VCL: variants seen among roughly 807,000 people sequenced by gnomAD.
VCL encodes vinculin.
A neutral mutation model predicts 125.7 loss-of-function variants in VCL; 47 were observed. The ratio of observed to expected loss-of-function variants is 0.37; its 90% CI spans 0.30 to 0.48. The LOEUF (loss-of-function observed/expected upper bound fraction) is 0.48, where lower values mean the gene tolerates loss of function less well. VCL is among the 20% of genes least tolerant of loss of function. VCL has a pLI of 0.99. For missense variants in VCL, 1,069 were observed against 1,455.5 expected, an observed-to-expected ratio of 0.73 and a Z score of 4.32; for synonymous variants, 458 against 514.6, an observed-to-expected ratio of 0.89 and a Z score of 1.49.
chr10:74,091,745 TGCCGCTGCACTC>T lies in VCL; in HGVS notation c.1352+1548_1352+1559del, dbSNP rs1839888277. On this transcript the variant is annotated intron_variant, in intron 10 of 21. Coordinates refer to ENST00000211998, the MANE Select transcript of VCL (RefSeq NM_014000.3). ...TGGAGGTTGCATTGAGCTGAGATTG[TGCCGCTGCACTC>T]CAGCCTGGGTGACAGAGTGAGACTC... Among the ~76,000 whole-genome samples, 4 of 123,156 alleles carry T rather than the reference TGCCGCTGCACTC, an allele frequency of 3.2e-5. No homozygotes were observed. In the South Asian group the frequency reaches 1.1e-3, roughly 34 times the overall value. 80.8% of individuals were successfully genotyped at this position (123,156 alleles called of 152,430 possible).
intron 2 of VCL, among the ~76,000 whole-genome samples, chr10:74,063,019 G>A (rs752573559): frequency 7.2e-5 from 11 of 152,084 alleles, no homozygotes; most frequent in Admixed American, 1.3e-4. Flanking sequence ...GCTTTGAGCC[G>A]AGATCGCACC....
intron 14 of VCL, among the ~76,000 whole-genome samples, chr10:74,102,934 T>C (rs1221264519): frequency 1.3e-5 from 2 of 152,094 alleles, no homozygotes; most frequent in African/African-American, 4.8e-5. Flanking sequence ...TGGCATGATC[T>C]TGGCTCACTG....
In VCL at chr10:74,118,084, G is replaced by A. The variant is rs1591722958; in HGVS notation, c.3320G>A (p.Arg1107Gln). 1.2e-6 allele frequency: 2 copies of A among 1,614,118 alleles called. No homozygotes were observed. Among genetic ancestry groups the A allele is most frequent in the Non-Finnish European group, 8.5e-7 (1 of 1,180,018 alleles). The change falls in exon 22 of 22, where the codon CGG becomes CAG. Residue 1107 changes from arginine (R) to glutamine (Q), a missense_variant. Arg to Gln is a conservative substitution (Grantham distance 43). Coordinates refer to ENST00000211998, the MANE Select transcript of VCL (RefSeq NM_014000.3). ...NLMQSVKETV[R>Q]EAEAASIKIR... Reference sequence around the variant, plus strand: ...ATGCAGTCTGTGAAGGAGACTGTGCGGGAAGCTGAAGCTGCTTCAATCAAA... The same window carrying A: ...ATGCAGTCTGTGAAGGAGACTGTGCAGGAAGCTGAAGCTGCTTCAATCAAA...
At chr10:74,106,168 C>T (rs955812362) in intron 16 of VCL, among the ~76,000 whole-genome samples, 2 of 151,924 alleles carry the variant, frequency 1.3e-5, no homozygotes, top group Non-Finnish European at 2.9e-5. Flanking sequence ...TTGATCCACC[C>T]GCCTTGGCCT....
At chr10:74,039,281 A>G (rs1386384315) in intron 1 of VCL, among the ~76,000 whole-genome samples, 1 of 139,634 alleles carries the variant, frequency 7.2e-6, no homozygotes, top group African/African-American at 2.7e-5. Flanking sequence ...GTCCAAGAGC[A>G]AGTCCTAATA....
chr10:74,022,700 G>A (rs1489935505), intron 1 of VCL, among the ~76,000 whole-genome samples: 3 of 149,570 alleles, frequency 2.0e-5, no homozygotes, highest in Non-Finnish European at 4.4e-5. Flanking sequence ...GCAATGACAC[G>A]ATCTCGGCTC....
chr10:74,112,551 G>A (rs746312167), intron 19 of VCL, among the ~76,000 whole-genome samples: 3 of 152,156 alleles, frequency 2.0e-5, no homozygotes, highest in Non-Finnish European at 2.9e-5. Flanking sequence ...GGGAGAGGCA[G>A]CTTTATAGGG....
chr10:74,048,577 T>G (rs1268530164), intron 2 of VCL, among the ~76,000 whole-genome samples: 2 of 152,218 alleles, frequency 1.3e-5, no homozygotes, highest in Non-Finnish European at 2.9e-5. Context: ...TGTCATTTTC[T>G]TCTTCGTCAT....
chr10:74,003,813 G>C (rs1840272251), intron 1 of VCL, among the ~76,000 whole-genome samples: 1 of 152,120 alleles, frequency 6.6e-6, no homozygotes, highest in Non-Finnish European at 1.5e-5. Flanking sequence ...TCGAACTCCT[G>C]GGCCCAACAG....
chr10:74,002,271 A>G (rs535966941), intron 1 of VCL, among the ~76,000 whole-genome samples: 77 of 152,074 alleles, frequency 5.1e-4, no homozygotes, highest in African/African-American at 1.8e-3. Flanking sequence ...GATTACAGGC[A>G]TGTGCCACCA....
At chr10:74,104,978 G>T in intron 15 of VCL, 73 bp from the exon 16 acceptor site, 1 of 1,517,538 alleles carries the variant, frequency 6.6e-7, no homozygotes, top group Non-Finnish European at 9.1e-7. Context: ...TGAGAAGTTT[G>T]AGTGGATAAC....
At chr10:74,107,561 G>T (rs933475484) in intron 17 of VCL, among the ~76,000 whole-genome samples, 22 of 152,152 alleles carry the variant, frequency 1.4e-4, no homozygotes, top group African/African-American at 5.3e-4. Context: ...GTGTGTGTGT[G>T]TGTAGTACTG....
chr10:74,059,311 G>A (rs932453578), intron 2 of VCL, among the ~76,000 whole-genome samples: 7 of 151,090 alleles, frequency 4.6e-5, no homozygotes, highest in African/African-American at 2.4e-5. Context: ...GGCTGAGATC[G>A]CACCACTGCA....
At chr10:74,017,647 G>A (rs900218162) in intron 1 of VCL, among the ~76,000 whole-genome samples, 3 of 150,726 alleles carry the variant, frequency 2.0e-5, no homozygotes, top group Admixed American at 1.3e-4. Context: ...CAACCTCCCA[G>A]GCTCAAGCCA....
rs1840343194 is a variant in VCL at position 74,118,338 on chromosome 10, T to A, written c.*169T>A. On this transcript the variant is annotated 3_prime_UTR_variant, in exon 22 of 22. Transcript: ENST00000211998. ...AATTAGAAGACATTTATACTCTTTT[T>A]TCATGGACACTTTGAAATGTGTTTC... The A allele has an allele frequency of 1.3e-6, 1 of 788,942 alleles. No individual in the cohort carries two copies. Among genetic ancestry groups the A allele is most frequent in the South Asian group, 1.5e-5 (1 of 66,214 alleles). The allele number at this position is 788,942 out of a possible 1,614,324, so 48.9% of individuals were successfully genotyped here.
intron 12 of VCL, among the ~76,000 whole-genome samples, chr10:74,096,724 C>G (rs748067752): frequency 2.2e-4 from 34 of 152,136 alleles, no homozygotes; most frequent in Non-Finnish European, 4.3e-4. Context: ...TTGAAAGAAC[C>G]TGGATTAAAA....
In VCL at chr10:74,118,298, A is replaced by T; in HGVS notation, c.*129A>T. ...TCCTGGCCTGGCACATCAGAAAGGA[A>T]TGGGGGCCTCTTCAAATTAGAAGAC... On this transcript the variant is annotated 3_prime_UTR_variant, in exon 22 of 22. Coordinates refer to ENST00000211998, the MANE Select transcript of VCL (RefSeq NM_014000.3). 2 of 1,102,800 alleles carry T rather than the reference A, an allele frequency of 1.8e-6. No homozygotes were observed. The highest frequency in any genetic ancestry group is 2.6e-5 in the South Asian group (2 of 76,218). 68.3% of individuals were successfully genotyped at this position (1,102,800 alleles called of 1,614,324 possible).
At chr10:74,009,697 C>T (rs539129691) in intron 1 of VCL, among the ~76,000 whole-genome samples, 25 of 152,006 alleles carry the variant, frequency 1.6e-4, no homozygotes, top group African/African-American at 5.8e-4. Flanking sequence ...GCAACCTCCA[C>T]CTCACGGGTT....
rs746658025 is a variant in VCL at position 74,111,966 on chromosome 10, G to A, written c.2803G>A (p.Asp935Asn). 13 of 1,614,070 alleles carry A rather than the reference G, an allele frequency of 8.1e-6. No individual in the cohort carries two copies. The highest frequency in any genetic ancestry group is 2.2e-5 in the South Asian group (2 of 91,088). The change falls in exon 19 of 22, where the codon GAT (aspartate) becomes AAT (asparagine). Residue 935 changes from aspartate (D) to asparagine (N), a missense_variant. Asp to Asn is a conservative substitution (Grantham distance 23, BLOSUM62 1). Around this residue, in one of 6 missense-constraint regions of VCL, gnomAD observed 86 missense variants for 91.0 expected, o/e 0.95. Coordinates refer to ENST00000211998, the MANE Select transcript of VCL (RefSeq NM_014000.3). The stretch of plus-strand genomic sequence containing the variant: ...TGTTGTAGCTGAGGCAGATGCGGCC[G>A]ATGCTGCTGGCTTCCCTGTCCCCCC... ...IGVVAEADAA[D>N]AAGFPVPPDM...
Sources: gnomAD v4.1 joint callset for allele counts (sites outside exome capture counted in the v4.1 genomes callset) on GRCh38, gnomAD v4.1.1 for gene constraint, gnomAD v4.1.1 regional missense constraint, MANE v1.5 for transcripts, NCBI Gene and HGNC (gene_info 2026-07-23, HGNC 2026-07-21) for gene names.